TMEFF2: variants seen among roughly 807,000 people sequenced by gnomAD.
TMEFF2 encodes the protein tomoregulin-2.
A neutral mutation model predicts 53.8 loss-of-function variants in TMEFF2; 28 were observed. The observed-to-expected ratio is 0.52, with a 90% CI of 0.39 to 0.71. TMEFF2 has a LOEUF of 0.71. Ranked by LOEUF, TMEFF2 falls within the 30% of genes least tolerant of loss-of-function variation. The probability of loss-of-function intolerance (pLI) is 0.00; values close to 1 mark genes in which losing one functional copy is unlikely to be tolerated. For synonymous variants in TMEFF2, 162 were observed against 166.3 expected (o/e 0.97, Z 0.20); for missense variants, 353 against 455.2 (o/e 0.78, Z 2.04).
chr2:192,184,446 C>A lies in TMEFF2; in HGVS notation c.320G>T (p.Gly107Val). Residue 107 changes from glycine (G) to valine (V), a missense_variant, in exon 3 of 10, where the codon GGG becomes GTG. By Grantham distance (109) the Gly-to-Val change is moderately radical (BLOSUM62 -3). This residue lies in a region of TMEFF2 where 294 missense variants were observed against 397.3 expected (regional missense o/e 0.74). Transcript: ENST00000272771. ...GTAACACTCATTCTGGTAGCTCTCCCCATTGGAGCCACACACAGGCACATA... is the reference window on the plus strand; with the variant it reads ...GTAACACTCATTCTGGTAGCTCTCCACATTGGAGCCACACACAGGCACATA... ...NDYVPVCGSN[G>V]ESYQNECYLR... 1 of 1,613,296 alleles carries A rather than the reference C, an allele frequency of 6.2e-7. No homozygotes were observed. The highest frequency in any genetic ancestry group is 8.5e-7 in the Non-Finnish European group (1 of 1,179,492).
At chr2:192,184,140 G>C (rs1691254441) in intron 3 of TMEFF2, among the ~76,000 whole-genome samples, 1 of 152,070 alleles carries the variant, frequency 6.6e-6, no homozygotes, top group Non-Finnish European at 1.5e-5. Flanking sequence ...AAATCTACCA[G>C]TGTCCTTATG....
intron 4 of TMEFF2, among the ~76,000 whole-genome samples, chr2:192,093,962 T>C (rs1043750509): frequency 2.0e-5 from 3 of 152,144 alleles, no homozygotes; most frequent in Non-Finnish European, 4.4e-5. Context: ...CATGGATCCA[T>C]GTTGCTATGG....
intron 7 of TMEFF2, among the ~76,000 whole-genome samples, chr2:191,994,689 A>G (rs550979368): frequency 3.4e-4 from 52 of 152,142 alleles, no homozygotes; most frequent in Middle Eastern, 3.4e-3. Context: ...ATTTAAGACA[A>G]TGAAAAGCCT....
chr2:191,964,160 G>T (rs1029707905), intron 7 of TMEFF2, among the ~76,000 whole-genome samples: 1 of 151,844 alleles, frequency 6.6e-6, no homozygotes, highest in Non-Finnish European at 1.5e-5. Context: ...ATCCCACCTA[G>T]ATTCTATTGC....
chr2:192,089,164 A>G (rs1688733320), intron 4 of TMEFF2, among the ~76,000 whole-genome samples: 1 of 152,094 alleles, frequency 6.6e-6, no homozygotes, highest in Non-Finnish European at 1.5e-5. Context: ...GTACCTAGAC[A>G]AAGCTCTTGC....
chr2:192,078,220 T>C (rs1273813845), intron 4 of TMEFF2, among the ~76,000 whole-genome samples: 2 of 152,140 alleles, frequency 1.3e-5, no homozygotes, highest in Admixed American at 1.3e-4. Flanking sequence ...TCAGTAAAAC[T>C]CTGAGCCTTA....
chr2:192,027,262 CGA>C (rs1256930253), intron 5 of TMEFF2, among the ~76,000 whole-genome samples: 1 of 152,142 alleles, frequency 6.6e-6, no homozygotes, highest in Non-Finnish European at 1.5e-5. Context: ...TAATTTTTCA[CGA>C]AGACTGATTA....
intron 4 of TMEFF2, among the ~76,000 whole-genome samples, chr2:192,138,688 G>A (rs1052293293): frequency 2.0e-5 from 3 of 152,194 alleles, no homozygotes; most frequent in African/African-American, 7.2e-5. Context: ...GCATTCCTCA[G>A]ATTGAAGACA....
At chr2:192,087,325 G>A (rs566675922) in intron 4 of TMEFF2, among the ~76,000 whole-genome samples, 41 of 152,162 alleles carry the variant, frequency 2.7e-4, no homozygotes, top group African/African-American at 9.4e-4. Flanking sequence ...CCAGGGTTGC[G>A]GAAATCATAA....
At chr2:191,972,388 C>T (rs991850383) in intron 7 of TMEFF2, among the ~76,000 whole-genome samples, 4 of 140,238 alleles carry the variant, frequency 2.9e-5, no homozygotes, top group Non-Finnish European at 6.0e-5. Context: ...GTCTTGAACT[C>T]CTGACCTCAG....
At chr2:192,155,681 C>A (rs984428833) in intron 4 of TMEFF2, among the ~76,000 whole-genome samples, 7 of 151,890 alleles carry the variant, frequency 4.6e-5, no homozygotes, top group African/African-American at 1.7e-4. Context: ...GCAATGCTGC[C>A]CAGCAGCTGC....
intron 5 of TMEFF2, among the ~76,000 whole-genome samples, chr2:192,043,143 T>C (rs1011778388): frequency 1.3e-4 from 20 of 152,176 alleles, no homozygotes; most frequent in African/African-American, 4.6e-4. Context: ...TTGGCTAGTG[T>C]TCCTTGCTAG....
At chr2:191,998,658 A>AT (rs1462078778) in intron 6 of TMEFF2, among the ~76,000 whole-genome samples, 1 of 152,020 alleles carries the variant, frequency 6.6e-6, no homozygotes, top group East Asian at 1.9e-4. Context: ...GCTTTTAAAA[A>AT]TGCATTTTAA....
At position 191,953,597 on chromosome 2, in the gene TMEFF2, A is replaced by G. The variant is rs2105784252; in HGVS notation, c.1028+82T>C. On this transcript the variant is annotated intron_variant, in intron 9 of 9. Transcript: ENST00000272771. ...GGATGGCTGCAGAGTCCATGAAGGA[A>G]CTCACCTCGGAGGGATCTGATTAAA... The G allele has an allele frequency of 4.0e-6, 6 of 1,504,500 alleles. No individual in the cohort carries two copies. In the East Asian group the frequency reaches 9.1e-5, roughly 23 times the overall value. The allele number at this position is 1,504,500 out of a possible 1,614,324, so 93.2% of individuals were successfully genotyped here.
At chr2:192,086,759 G>A (rs1331622748) in intron 4 of TMEFF2, among the ~76,000 whole-genome samples, 2 of 151,996 alleles carry the variant, frequency 1.3e-5, no homozygotes, top group Non-Finnish European at 2.9e-5. Context: ...ACTTCCTATT[G>A]TTTTTGGCCT....
At chr2:192,144,413 C>A (rs1302069493) in intron 4 of TMEFF2, among the ~76,000 whole-genome samples, 1 of 152,092 alleles carries the variant, frequency 6.6e-6, no homozygotes, top group Non-Finnish European at 1.5e-5. Context: ...GACTCATACT[C>A]ATCCCATACC....
At chr2:192,114,130 A>T (rs2105958579) in intron 4 of TMEFF2, among the ~76,000 whole-genome samples, 1 of 151,128 alleles carries the variant, frequency 6.6e-6, no homozygotes, top group Non-Finnish European at 1.5e-5. Flanking sequence ...CCAATAATAA[A>T]CATCTTTTCT....
At chr2:192,127,431 TCTC>T (rs1689703719) in intron 4 of TMEFF2, among the ~76,000 whole-genome samples, 1 of 152,200 alleles carries the variant, frequency 6.6e-6, no homozygotes, top group Admixed American at 6.6e-5. Flanking sequence ...TCCTGCCTTC[TCTC>T]CTACTTCTCT....
intron 4 of TMEFF2, among the ~76,000 whole-genome samples, chr2:192,120,382 C>G (rs945171504): frequency 6.6e-6 from 1 of 152,132 alleles, no homozygotes; most frequent in Non-Finnish European, 1.5e-5. Context: ...ATGCTCAAAC[C>G]CCACCCCACA....
Sources: allele counts gnomAD v4.1 joint callset (sites outside exome capture counted in the v4.1 genomes callset), GRCh38; gene constraint gnomAD v4.1.1; regional missense constraint gnomAD v4.1.1; transcripts MANE v1.5; gene names NCBI Gene and HGNC (gene_info 2026-07-23, HGNC 2026-07-21).